The following SEL1L2 variants were observed in gnomAD, a reference collection of about 807,000 sequenced individuals.
SEL1L2 encodes the protein protein sel-1 homolog 2.
In SEL1L2, 89 loss-of-function variants were observed where a neutral mutation model predicts 98.8. The observed-to-expected ratio is 0.90, with a 90% confidence interval of 0.76 to 1.07. The LOEUF is 1.07. SEL1L2 is among the 50% of genes least tolerant of loss of function. SEL1L2 has a pLI of 0.00. For synonymous variants in SEL1L2, 262 were observed against 278.5 expected (o/e 0.94, Z 0.59); for missense variants, 788 against 812.0 (o/e 0.97, Z 0.36).
Position 13,947,137 on chromosome 20 carries a change from C to CATTCT in SEL1L2, c.114+8938_114+8939insAGAAT, listed in dbSNP as rs1363600736. ...GAAGCCTGGGGGCCAGGATCCATTC[C>CATTCT]GGGTGGAGTCTGTAGCTGGGAGTGA... On this transcript the variant is annotated intron_variant, in intron 2 of 19. Coordinates refer to ENST00000284951, the MANE Select transcript of SEL1L2 (RefSeq NM_025229.2). 3.5e-4 allele frequency among the ~76,000 whole-genome samples: 25 copies of CATTCT among 72,178 alleles called. No homozygotes were observed. In the East Asian group the frequency reaches 8.0e-3, roughly 23 times the overall value. The allele number at this position is 72,178 out of a possible 152,430, so 47.4% of individuals were successfully genotyped here. A position where few individuals can be genotyped will look rare whatever the true frequency, so the allele number is the denominator to read the frequency against.
At chr20:13,870,346 TTCCTCCTTTTA>T in intron 12 of SEL1L2, 143 bp from the exon 13 acceptor site, 1 of 599,010 alleles carries the variant, frequency 1.7e-6, no homozygotes, top group Non-Finnish European at 3.0e-6. Context: ...CCCACTCTAG[TTCCTCCTTTTA>T]TACTTTCATA....
chr20:13,976,308 T>G lies in SEL1L2; in HGVS notation c.58+14169A>C, dbSNP rs550840893. ...AGCCACAGCACCCGGACTGTTTTTT[T>G]TTGTTGTTGTTGTTGTTTGTCTGTT... On this transcript the variant is annotated intron_variant, in intron 1 of 19. Transcript: ENST00000284951. 7.8e-4 allele frequency among the ~76,000 whole-genome samples: 118 copies of G among 152,204 alleles called. No homozygotes were observed. In the Middle Eastern group the frequency reaches 0.014, roughly 18 times the overall value.
At chr20:13,952,206 C>T (rs1375370842) in intron 2 of SEL1L2, among the ~76,000 whole-genome samples, 2 of 152,182 alleles carry the variant, frequency 1.3e-5, no homozygotes, top group African/African-American at 4.8e-5. Context: ...GTACCCCTAC[C>T]AAGACACATT....
chr20:13,924,611 GAC>G (rs2048802089), intron 3 of SEL1L2, among the ~76,000 whole-genome samples: 1 of 151,550 alleles, frequency 6.6e-6, no homozygotes, highest in Non-Finnish European at 1.5e-5. Context: ...TTTTCATAGA[GAC>G]AGACTCTCAC....
At chr20:13,993,153 AG>A (rs2148599221), upstream of SEL1L2, among the ~76,000 whole-genome samples, 1 of 152,366 alleles carries the variant, frequency 6.6e-6, no homozygotes, top group Non-Finnish European at 1.5e-5. Flanking sequence ...AAGGCCACTT[AG>A]GAAGTCTTTG....
chr20:13,986,502 C>T (rs1252559190), intron 1 of SEL1L2, among the ~76,000 whole-genome samples: 1 of 151,302 alleles, frequency 6.6e-6, no homozygotes, highest in African/African-American at 2.4e-5. Flanking sequence ...TAATAGGCAA[C>T]CTTTTGTCTC....
At chr20:13,961,694 C>T (rs888233652) in intron 1 of SEL1L2, among the ~76,000 whole-genome samples, 8 of 152,096 alleles carry the variant, frequency 5.3e-5, no homozygotes, top group Admixed American at 3.3e-4. Flanking sequence ...AAAGGAAGGA[C>T]GACTCAGAAG....
chr20:13,982,508 C>CAAAAAAAAAAAAAAAAAAAAAAA (rs10713892), intron 1 of SEL1L2, among the ~76,000 whole-genome samples: 1 of 67,688 alleles, frequency 1.5e-5, no homozygotes, highest in Admixed American at 1.8e-4. Flanking sequence ...GAGACTCTGC[C>CAAAAAAAAAAAAAAAAAAAAAAA]AAAAAAAAAA....
At chr20:13,937,952 G>C (rs899675551) in intron 2 of SEL1L2, among the ~76,000 whole-genome samples, 1 of 152,102 alleles carries the variant, frequency 6.6e-6, no homozygotes, top group African/African-American at 2.4e-5. Flanking sequence ...GCTAATGTCT[G>C]CTTTTTATTC....
At chr20:13,989,815 T>A (rs1020431305) in intron 1 of SEL1L2, among the ~76,000 whole-genome samples, 3 of 152,186 alleles carry the variant, frequency 2.0e-5, no homozygotes, top group African/African-American at 7.2e-5. Context: ...TATTTCTTTT[T>A]TTTTCCTTTT....
intron 3 of SEL1L2, among the ~76,000 whole-genome samples, chr20:13,921,276 G>T (rs1049473059): frequency 6.6e-6 from 1 of 152,182 alleles, no homozygotes; most frequent in Non-Finnish European, 1.5e-5. Context: ...GGGTTCAAGT[G>T]ATTCTCATGC....
At chr20:13,883,569 G>A (rs2046811443) in intron 10 of SEL1L2, among the ~76,000 whole-genome samples, 1 of 152,164 alleles carries the variant, frequency 6.6e-6, no homozygotes, top group African/African-American at 2.4e-5. Flanking sequence ...ATAAAACCTC[G>A]TGAATGAGCC....
chr20:13,859,266 G>A lies in SEL1L2; in HGVS notation c.1814C>T (p.Thr605Ile). The A allele has an allele frequency of 6.2e-7, 1 of 1,613,814 alleles. No individual in the cohort carries two copies. The highest frequency in any genetic ancestry group is 8.5e-7 in the Non-Finnish European group (1 of 1,179,816). Residue 605 changes from threonine (T) to isoleucine (I), a missense_variant, in exon 18 of 20, where the codon ACA becomes ATA. Thr to Ile is a moderately conservative substitution (Grantham distance 89, BLOSUM62 -1). Coordinates refer to ENST00000284951, the MANE Select transcript of SEL1L2 (RefSeq NM_025229.2). ...AYMYEHGLGI[T>I]KDIHLARRLY... ...AATTATTACCAGCAAAATTACCTTT[G>A]TGATGCCTAAGCCGTGTTCATACAT...
At chr20:13,880,903 T>C (rs916839918) in intron 10 of SEL1L2, among the ~76,000 whole-genome samples, 1 of 152,178 alleles carries the variant, frequency 6.6e-6, no homozygotes, top group African/African-American at 2.4e-5. Flanking sequence ...TTTTAAAAAA[T>C]GATCATGATT....
intron 1 of SEL1L2, among the ~76,000 whole-genome samples, chr20:13,969,808 C>T (rs2051202690): frequency 6.6e-6 from 1 of 152,180 alleles, no homozygotes; most frequent in Non-Finnish European, 1.5e-5. Flanking sequence ...TAGTTCCTGT[C>T]CTATAACAGA....
At chr20:13,960,162 T>G (rs981536076) in intron 1 of SEL1L2, among the ~76,000 whole-genome samples, 1 of 151,494 alleles carries the variant, frequency 6.6e-6, no homozygotes, top group African/African-American at 2.4e-5. Flanking sequence ...CATTATTATA[T>G]TCCCCAAAGT....
chr20:13,926,293 C>G (rs999207012), intron 3 of SEL1L2, among the ~76,000 whole-genome samples: 6 of 151,406 alleles, frequency 4.0e-5, no homozygotes, highest in South Asian at 2.1e-4. Flanking sequence ...CCAGCCTGGG[C>G]GACAGAGCGA....
intron 18 of SEL1L2, among the ~76,000 whole-genome samples, chr20:13,852,477 C>A (rs1988428785): frequency 6.6e-6 from 1 of 152,098 alleles, no homozygotes; most frequent in Non-Finnish European, 1.5e-5. Context: ...CATTCTTTGA[C>A]CCTATTTAGT....
At chr20:13,986,561 C>T (rs1783376757) in intron 1 of SEL1L2, among the ~76,000 whole-genome samples, 1 of 152,188 alleles carries the variant, frequency 6.6e-6, no homozygotes, top group African/African-American at 2.4e-5. Context: ...CAAGTTGTAA[C>T]ACCTATGAGC....
Sources: allele counts gnomAD v4.1 joint callset (sites outside exome capture counted in the v4.1 genomes callset), GRCh38; gene constraint gnomAD v4.1.1; transcripts MANE v1.5; gene names NCBI Gene and HGNC (gene_info 2026-07-23, HGNC 2026-07-21).